CLK4: variants seen among roughly 807,000 people sequenced by gnomAD.
CLK4 encodes dual specificity protein kinase CLK4.
In CLK4, 37 loss-of-function variants were observed where a neutral mutation model predicts 64.4. The observed-to-expected ratio is 0.57, with a 90% CI of 0.44 to 0.76. The LOEUF is 0.76. CLK4 is among the 30% of genes least tolerant of loss of function. CLK4 has a pLI of 0.00. For synonymous variants in CLK4, 175 were observed against 191.6 expected (o/e 0.91, Z 0.72); for missense variants, 457 against 605.1 (o/e 0.76, Z 2.57).
chr5:178,622,346 TTG>T, intron 2 of CLK4: 1 of 799,650 alleles, frequency 1.3e-6, no homozygotes, highest in Non-Finnish European at 1.5e-6. Context: ...AATAAGCTGT[TTG>T]GCAGAACAAG....
intron 7 of CLK4, 57 bp downstream of exon 7, chr5:178,613,416 C>T: frequency 8.3e-7 from 1 of 1,203,978 alleles, no homozygotes; most frequent in Non-Finnish European, 1.1e-6. Context: ...GAGACTCCGT[C>T]TCAAAATAAA....
chr5:178,612,780 C>A lies in CLK4; in HGVS notation c.921+16G>T. ...TTAAAGACAACCACCCAAATTAAAA[C>A]AAGTCTTTAACTTACCATTTTAGAA... On this transcript the variant is annotated intron_variant, in intron 8 of 12. Coordinates refer to ENST00000316308, the MANE Select transcript of CLK4 (RefSeq NM_020666.3). 7.3e-7 allele frequency: 1 copy of A among 1,370,990 alleles called. No individual in the cohort carries two copies. Among genetic ancestry groups the A allele is most frequent in the East Asian group, 2.3e-5 (1 of 43,590 alleles). 84.9% of individuals were successfully genotyped at this position (1,370,990 alleles called of 1,614,324 possible).
At chr5:178,620,112 G>C (rs1224559761) in intron 2 of CLK4, 1 of 293,882 alleles carries the variant, frequency 3.4e-6, no homozygotes, top group Non-Finnish European at 7.0e-6. Flanking sequence ...ATCCAGGCTG[G>C]GGAGATACAG....
Position 178,603,705 on chromosome 5 carries a change from C to A in CLK4, c.1358G>T (p.Arg453Leu). ...EEHEKLFDLV[R>L]RMLEYDPTQR... ...AGTTGGATCATATTCTAACATTCTT[C>A]GAACCAGGTCAAACAGTTTCTCATG... Residue 453 changes from arginine to leucine, a missense_variant, in exon 13 of 13, where the codon CGA (arginine) becomes CTA (leucine). By Grantham distance (102) the Arg-to-Leu change is moderately radical (BLOSUM62 -2). Transcript: ENST00000316308. 6.2e-7 allele frequency: 1 copy of A among 1,606,320 alleles called. No individual in the cohort carries two copies. Among genetic ancestry groups the A allele is most frequent in the South Asian group, 1.1e-5 (1 of 88,986 alleles).
intron 7 of CLK4, 141 bp from the exon 8 acceptor site, chr5:178,613,031 C>T (rs1764578649): frequency 3.9e-6 from 2 of 509,244 alleles, no homozygotes; most frequent in South Asian, 3.2e-5. Flanking sequence ...TTAGTGACAA[C>T]ATTTGGATAT....
chr5:178,622,922 T>A (rs1399145678), intron 2 of CLK4: 4 of 260,532 alleles, frequency 1.5e-5, no homozygotes, highest in Non-Finnish European at 2.9e-5. Context: ...CATTGGGCAT[T>A]CTATCACTAT....
Position 178,618,793 on chromosome 5 carries a change from A to G in CLK4, c.162-15T>C. 1 of 1,586,846 alleles carries G rather than the reference A, an allele frequency of 6.3e-7. No homozygotes were observed. The highest frequency in any genetic ancestry group is 2.2e-5 in the East Asian group (1 of 44,544). ...CTAAATAATGACTGCAAACACATTAAAAGATTTCAAATTATTCTCTTCATT... is the reference window on the plus strand; with the variant it reads ...CTAAATAATGACTGCAAACACATTAGAAGATTTCAAATTATTCTCTTCATT... On this transcript the variant is annotated splice_polypyrimidine_tract_variant and intron_variant, in intron 2 of 12. Coordinates refer to ENST00000316308, the MANE Select transcript of CLK4 (RefSeq NM_020666.3).
At chr5:178,618,013 AGT>A (rs1363648251) in intron 3 of CLK4, 1 of 150,768 alleles carries the variant, frequency 6.6e-6, no homozygotes, top group Non-Finnish European at 1.5e-5. Flanking sequence ...AAGATGTCTG[AGT>A]GTTAAAAAAA....
intron 5 of CLK4, among the ~76,000 whole-genome samples, chr5:178,614,463 G>GC (rs1764600463): frequency 6.6e-6 from 1 of 152,178 alleles, no homozygotes; most frequent in African/African-American, 2.4e-5. Context: ...ACAGGGGAGG[G>GC]CAGTGGGCTT....
chr5:178,616,234 G>A (rs1372322831), intron 5 of CLK4, among the ~76,000 whole-genome samples: 1 of 152,040 alleles, frequency 6.6e-6, no homozygotes, highest in Non-Finnish European at 1.5e-5. Flanking sequence ...AAGCAACTGG[G>A]ATTACAGGCA....
At chr5:178,622,025 C>G (rs1216758701) in intron 2 of CLK4, 1 of 152,146 alleles carries the variant, frequency 6.6e-6, no homozygotes. Flanking sequence ...TCAAAGCAGG[C>G]ACTGGCCTGG....
In CLK4 at chr5:178,613,396, G is replaced by A. The variant is rs999227595; in HGVS notation, c.826+77C>T. On this transcript the variant is annotated intron_variant, in intron 7 of 12. Coordinates refer to ENST00000316308, the MANE Select transcript of CLK4 (RefSeq NM_020666.3). The stretch of plus-strand genomic sequence containing the variant: ...AGAGCGCCACTGCACTCCAGCCTGG[G>A]TGACAGAGCGAGACTCCGTCTCAAA... 7.5e-6 allele frequency: 8 copies of A among 1,064,558 alleles called. No homozygotes were observed. In the African/African-American group the frequency reaches 9.9e-5, roughly 13 times the overall value. 65.9% of individuals were successfully genotyped at this position (1,064,558 alleles called of 1,614,324 possible).
intron 10 of CLK4, among the ~76,000 whole-genome samples, chr5:178,607,236 T>G (rs114633603): frequency 2.6e-5 from 4 of 152,018 alleles, no homozygotes; most frequent in Admixed American, 1.3e-4. Flanking sequence ...ACTTCTAGGA[T>G]CAAACCAATA....
At chr5:178,618,257 AT>A (rs1275921466) in intron 3 of CLK4, 1 of 153,824 alleles carries the variant, frequency 6.5e-6, no homozygotes, top group Non-Finnish European at 1.4e-5. Flanking sequence ...TGGGTGCATG[AT>A]TTTTTCATAA....
At position 178,603,919 on chromosome 5, in the gene CLK4, A is replaced by T; in HGVS notation, c.1230T>A (p.Phe410Leu). 6.2e-7 allele frequency: 1 copy of T among 1,604,542 alleles called. No individual in the cohort carries two copies. The highest frequency in any genetic ancestry group is 8.5e-7 in the Non-Finnish European group (1 of 1,177,596). The change falls in exon 12 of 13, where the codon TTT (phenylalanine) becomes TTA (leucine). Residue 410 changes from phenylalanine (F) to leucine (L), a missense_variant. Transcript: ENST00000316308. ...CATCCCAATCTAGCTGGTTATGGTG[A>T]AAATACTTGCGTTTTCTACAGAAAA... is the stretch of plus-strand genomic sequence containing the variant. ...MIQKTRKRKY[F>L]HHNQLDWDEH...
At position 178,613,562 on chromosome 5, in the gene CLK4, G is replaced by A. The variant is rs1283833342; in HGVS notation, c.737C>T (p.Thr246Ile). The change falls in exon 7 of 13, where the codon ACT (threonine) becomes ATT (isoleucine). Residue 246 changes from threonine (T) to isoleucine (I), a missense_variant. Coordinates refer to ENST00000316308, the MANE Select transcript of CLK4 (RefSeq NM_020666.3). ...CIVFELLGLS[T>I]YDFIKENSFL... ...GCTGTTTTCTTTAATGAAATCGTAAGTACTAAGTCCCAGTAGTTCAAACAC... is the reference window on the plus strand; with the variant it reads ...GCTGTTTTCTTTAATGAAATCGTAAATACTAAGTCCCAGTAGTTCAAACAC... 8 of 1,612,960 alleles carry A rather than the reference G, an allele frequency of 5.0e-6. No individual in the cohort carries two copies. Among genetic ancestry groups the A allele is most frequent in the Admixed American group, 1.7e-5 (1 of 59,714 alleles).
intron 5 of CLK4, among the ~76,000 whole-genome samples, 187 bp downstream of exon 5, chr5:178,616,695 C>A (rs968636831): frequency 6.6e-6 from 1 of 152,076 alleles, no homozygotes; most frequent in African/African-American, 2.4e-5. Context: ...ACTTGAGAGG[C>A]TGAAGCAGGA....
chr5:178,622,174 A>G (rs1343710350), intron 2 of CLK4: 1 of 152,330 alleles, frequency 6.6e-6, no homozygotes, highest in Non-Finnish European at 1.5e-5. Context: ...GTTAAGCCTT[A>G]GGGTTTTTTG....
chr5:178,609,141 A>G (rs1239783044), intron 9 of CLK4, among the ~76,000 whole-genome samples: 1 of 152,218 alleles, frequency 6.6e-6, no homozygotes, highest in East Asian at 1.9e-4. Context: ...TAAAACATCT[A>G]GCCTTCTTAA....
Sources: allele counts gnomAD v4.1 joint callset (sites outside exome capture counted in the v4.1 genomes callset), GRCh38; gene constraint gnomAD v4.1.1; transcripts MANE v1.5; gene names NCBI Gene and HGNC (gene_info 2026-07-23, HGNC 2026-07-21).